SEMA4D: variants seen among roughly 807,000 people sequenced by gnomAD.
The protein encoded by SEMA4D is semaphorin-4D.
Under a neutral mutation model 74.8 loss-of-function variants are expected in SEMA4D, and 22 were observed. The ratio of observed to expected loss-of-function variants is 0.29; its 90% CI spans 0.21 to 0.42. The LOEUF (loss-of-function observed/expected upper bound fraction) is 0.42, where lower values mean the gene tolerates loss of function less well. Among genes scored for constraint, SEMA4D ranks in the 10% least tolerant of loss-of-function variants. The probability of loss-of-function intolerance (pLI) is 1.00; values close to 1 mark genes in which losing one functional copy is unlikely to be tolerated. For synonymous variants in SEMA4D, 445 were observed against 463.7 expected, an observed-to-expected ratio of 0.96 and a Z score of 0.52; for missense variants, 937 against 1,118.4, an observed-to-expected ratio of 0.84 and a Z score of 2.31.
rs750571039 is a variant in SEMA4D at position 89,369,980 on chromosome 9, GGTGT to G, written c.1883-6034_1883-6031del. On this transcript the variant is annotated intron_variant, in intron 16 of 18. Transcript: ENST00000339861. ...CTTTGGTGTGTGCAGTATGTGTGGTGGTGTGTGTGTAACAGTGGTATGATTGGTG... is the reference window on the plus strand; with the variant it reads ...CTTTGGTGTGTGCAGTATGTGTGGTGGTGTGTAACAGTGGTATGATTGGTG... Among the ~76,000 whole-genome samples, 32 of 151,970 alleles carry G rather than the reference GGTGT, an allele frequency of 2.1e-4. 1 individual carries two copies. The highest frequency in any genetic ancestry group is 4.1e-4 in the African/African-American group (17 of 41,440).
chr9:89,487,044 A>G (rs1408091532), intron 1 of SEMA4D, among the ~76,000 whole-genome samples: 2 of 152,104 alleles, frequency 1.3e-5, no homozygotes, highest in Admixed American at 6.5e-5. Flanking sequence ...CTTTGATACC[A>G]ATATAAAATA....
intron 2 of SEMA4D, among the ~76,000 whole-genome samples, chr9:89,414,902 C>T (rs1428948055): frequency 6.6e-6 from 1 of 152,242 alleles, no homozygotes; most frequent in Non-Finnish European, 1.5e-5. Context: ...CCCTCACCCA[C>T]TTCCCAAACC....
At chr9:89,463,937 CAA>C (rs11394548) in intron 1 of SEMA4D, among the ~76,000 whole-genome samples, 3 of 125,560 alleles carry the variant, frequency 2.4e-5, no homozygotes, top group South Asian at 2.6e-4. Context: ...CCGTCTCAGA[CAA>C]AAAAAAAAAA....
rs199811910 is a variant in SEMA4D, at chr9:89,486,676, C to T, written c.-310+11243G>A. Reference sequence around the variant, plus strand: ...AGCTCAGCACTTCAGAAGGCCAAAGCGGGAAGATGGCTTGAGGTTAGGAAT... The same window carrying T: ...AGCTCAGCACTTCAGAAGGCCAAAGTGGGAAGATGGCTTGAGGTTAGGAAT... On this transcript the variant is annotated intron_variant, in intron 1 of 15. Transcript: ENST00000422704. Among the ~76,000 whole-genome samples the T allele has an allele frequency of 6.2e-4, 95 of 152,240 alleles. 1 individual carries two copies. The East Asian group carries it at 0.011, about 17-fold the overall frequency.
intron 1 of SEMA4D, among the ~76,000 whole-genome samples, chr9:89,496,241 G>A (rs1281921701): frequency 6.6e-6 from 1 of 152,204 alleles, no homozygotes; most frequent in African/African-American, 2.4e-5. Flanking sequence ...TGCTTCTCAG[G>A]AGGTGGGCCC....
intron 4 of SEMA4D, among the ~76,000 whole-genome samples, chr9:89,402,511 T>C (rs964466192): frequency 3.9e-5 from 6 of 152,084 alleles, no homozygotes; most frequent in East Asian, 1.9e-4. Context: ...CAGTAAGAGA[T>C]ACCCAGATGA....
intron 1 of SEMA4D, among the ~76,000 whole-genome samples, chr9:89,476,411 T>C (rs1265464608): frequency 6.6e-6 from 1 of 152,154 alleles, no homozygotes; most frequent in Non-Finnish European, 1.5e-5. Context: ...GATACTTCTG[T>C]GGAGGTATTA....
At chr9:89,467,531 AT>A (rs35017295) in intron 1 of SEMA4D, among the ~76,000 whole-genome samples, 524 of 128,364 alleles carry the variant, frequency 4.1e-3, no homozygotes, top group African/African-American at 8.8e-3. Flanking sequence ...GGAGCGCATG[AT>A]TTTTTTTTTT....
At chr9:89,402,383 A>T (rs1587609816) in intron 4 of SEMA4D, among the ~76,000 whole-genome samples, 2 of 152,164 alleles carry the variant, frequency 1.3e-5, no homozygotes, top group Admixed American at 1.3e-4. Context: ...AAACGTTTGA[A>T]CCAACTAAAC....
At chr9:89,431,144 T>C (rs1849188232) in intron 2 of SEMA4D, among the ~76,000 whole-genome samples, 2 of 152,210 alleles carry the variant, frequency 1.3e-5, no homozygotes, top group Non-Finnish European at 2.9e-5. Flanking sequence ...AAACAGCACT[T>C]AAGTGCAAGC....
chr9:89,459,879 C>T (rs1422692042), intron 1 of SEMA4D, among the ~76,000 whole-genome samples: 1 of 152,176 alleles, frequency 6.6e-6, no homozygotes, highest in Admixed American at 6.5e-5. Context: ...AATAACACAC[C>T]CTATTCTGTG....
intron 13 of SEMA4D, chr9:89,385,048 C>G: frequency 1.0e-6 from 1 of 985,296 alleles, no homozygotes; most frequent in Non-Finnish European, 1.2e-6. Context: ...CCCAAACCCA[C>G]TGGCTCCTCC....
At chr9:89,390,689 T>A (rs34614044) in intron 9 of SEMA4D, among the ~76,000 whole-genome samples, 2 of 152,124 alleles carry the variant, frequency 1.3e-5, no homozygotes, top group Non-Finnish European at 2.9e-5. Flanking sequence ...CTGTGTTTCA[T>A]GTGGTTTCCC....
downstream of SEMA4D, chr9:89,376,819 A>C (rs1266590992): frequency 6.5e-7 from 1 of 1,542,986 alleles, no homozygotes; most frequent in South Asian, 1.2e-5. Flanking sequence ...GGGGACAGAG[A>C]GGGCCCAACT....
intron 16 of SEMA4D, among the ~76,000 whole-genome samples, chr9:89,371,565 G>T (rs1455428845): frequency 2.5e-4 from 17 of 66,854 alleles, no homozygotes; most frequent in African/African-American, 4.7e-4. Context: ...GGTGTGTGGG[G>T]GGGGGTGTGT....
At chr9:89,404,005 C>T (rs947864197) in intron 3 of SEMA4D, among the ~76,000 whole-genome samples, 2 of 152,224 alleles carry the variant, frequency 1.3e-5, no homozygotes, top group African/African-American at 4.8e-5. Flanking sequence ...TGCACACAGG[C>T]AGCAGGTCCT....
chr9:89,461,883 A>T (rs1376315073), intron 1 of SEMA4D, among the ~76,000 whole-genome samples: 2 of 151,600 alleles, frequency 1.3e-5, no homozygotes, highest in Non-Finnish European at 2.9e-5. Context: ...TTGTATTTTT[A>T]GTAGAGACAG....
intron 1 of SEMA4D, among the ~76,000 whole-genome samples, chr9:89,491,479 T>G (rs12684508): frequency 0.39 from 59,752 of 151,898 alleles, 12,678 homozygotes; most frequent in South Asian, 0.49. Context: ...CTGACGCAGG[T>G]GAATGGCTTG....
chr9:89,414,320 T>C (rs1054308774), intron 2 of SEMA4D, among the ~76,000 whole-genome samples: 11 of 152,202 alleles, frequency 7.2e-5, no homozygotes, highest in African/African-American at 2.4e-4. Flanking sequence ...GGGGAGCGTG[T>C]TCTGGCTTAT....
Sources: gnomAD v4.1 joint callset for allele counts (sites outside exome capture counted in the v4.1 genomes callset) on GRCh38, gnomAD v4.1.1 for gene constraint, MANE v1.5 for transcripts, NCBI Gene and HGNC (gene_info 2026-07-23, HGNC 2026-07-21) for gene names.